EHBP1: variants seen among roughly 807,000 people sequenced by gnomAD.
The protein encoded by EHBP1 is EH domain binding protein 1.
In EHBP1, 55 loss-of-function variants were observed where a neutral mutation model predicts 144.0. That is an observed-to-expected ratio of 0.38 (90% CI 0.31 to 0.48). The LOEUF is 0.48. Ranked by LOEUF, EHBP1 falls within the 20% of genes least tolerant of loss-of-function variation. The probability of loss-of-function intolerance (pLI) is 0.98; values close to 1 mark genes in which losing one functional copy is unlikely to be tolerated. For missense variants in EHBP1, 1,200 were observed against 1,364.2 expected (o/e 0.88, Z 1.90); for synonymous variants, 469 against 472.7 (o/e 0.99, Z 0.10).
chr2:62,910,610 A>G (rs1175262973), intron 10 of EHBP1, among the ~76,000 whole-genome samples: 3 of 152,010 alleles, frequency 2.0e-5, no homozygotes, highest in Non-Finnish European at 4.4e-5. Context: ...AAAAAAATGC[A>G]CTGAATTGCT....
intron 3 of EHBP1, among the ~76,000 whole-genome samples, chr2:62,761,531 G>T (rs914738664): frequency 2.0e-5 from 3 of 152,074 alleles, no homozygotes; most frequent in African/African-American, 7.2e-5. Flanking sequence ...CGGTTCCTTG[G>T]CCCAGGTTCA....
intron 3 of EHBP1, among the ~76,000 whole-genome samples, chr2:62,758,766 G>A (rs569502949): frequency 6.6e-6 from 1 of 152,214 alleles, no homozygotes; most frequent in African/African-American, 2.4e-5. Flanking sequence ...TTGCTCTGTG[G>A]TTGTGCTACA....
At chr2:62,985,566 C>T (rs1447724967) in intron 15 of EHBP1, among the ~76,000 whole-genome samples, 1 of 152,130 alleles carries the variant, frequency 6.6e-6, no homozygotes, top group East Asian at 1.9e-4. Flanking sequence ...TTCTGTCCTT[C>T]AAGACTCTCT....
chr2:63,044,877 T>G (rs1455792912), intron 21 of EHBP1, 189 bp from the exon 22 acceptor site: 1 of 547,354 alleles, frequency 1.8e-6, no homozygotes, highest in East Asian at 3.0e-5. Context: ...AGGACCTGTT[T>G]AGGAAGTAGA....
rs148751480 is a variant in EHBP1 at position 63,029,519 on chromosome 2, A to C, written c.3104-8016A>C. ...CAGTTCCTGCCTCAGGGCTATATAC[A>C]CCATCATCACCCCCTTCATTATTAT... On this transcript the variant is annotated intron_variant, in intron 19 of 22. Transcript: ENST00000431489. 9.4e-4 allele frequency among the ~76,000 whole-genome samples: 142 copies of C among 150,850 alleles called. 1 individual carries two copies. The highest frequency in any genetic ancestry group is 3.3e-3 in the African/African-American group (135 of 41,002).
At chr2:62,728,919 A>G (rs540077726) in intron 2 of EHBP1, among the ~76,000 whole-genome samples, 4 of 151,644 alleles carry the variant, frequency 2.6e-5, no homozygotes, top group Non-Finnish European at 5.9e-5. Flanking sequence ...TCTATAATCT[A>G]TTTTGAGTTA....
At chr2:62,746,300 A>G (rs571419140) in intron 2 of EHBP1, among the ~76,000 whole-genome samples, 2 of 151,860 alleles carry the variant, frequency 1.3e-5, no homozygotes, top group Admixed American at 6.6e-5. Flanking sequence ...TTGTTTTTCC[A>G]TTGGTATAAC....
chr2:62,865,019 C>T (rs370363480), intron 9 of EHBP1, 48 bp downstream of exon 9: 2 of 1,584,048 alleles, frequency 1.3e-6, no homozygotes, highest in Non-Finnish European at 1.7e-6. Flanking sequence ...CTCTATGTTA[C>T]CTAAAGAGAT....
At chr2:62,747,350 A>C (rs767291178) in intron 2 of EHBP1, 45 bp from the exon 3 acceptor site, 1 of 1,573,986 alleles carries the variant, frequency 6.4e-7, no homozygotes, top group African/African-American at 1.4e-5. Context: ...ATGAAACTTT[A>C]TTTATTTAAG....
chr2:62,980,415 G>A (rs1350793990), intron 15 of EHBP1, among the ~76,000 whole-genome samples: 1 of 152,174 alleles, frequency 6.6e-6, no homozygotes, highest in Non-Finnish European at 1.5e-5. Flanking sequence ...ATAGGCCACA[G>A]ACTAGTACTG....
At chr2:62,753,771 C>T (rs904963360) in intron 3 of EHBP1, among the ~76,000 whole-genome samples, 1 of 152,184 alleles carries the variant, frequency 6.6e-6, no homozygotes, top group African/African-American at 2.4e-5. Flanking sequence ...ACCCTTTCTT[C>T]CAGTTGATTG....
chr2:62,727,299 T>C (rs564188902), intron 2 of EHBP1, among the ~76,000 whole-genome samples: 26 of 152,186 alleles, frequency 1.7e-4, no homozygotes, highest in Non-Finnish European at 2.2e-4. Context: ...CCTTTTTTTT[T>C]TTTTAAACAG....
At chr2:62,813,572 G>A (rs1447929153) in intron 5 of EHBP1, among the ~76,000 whole-genome samples, 1 of 152,184 alleles carries the variant, frequency 6.6e-6, no homozygotes, top group East Asian at 1.9e-4. Context: ...GCCTGGGAAA[G>A]CTGCAGGCGT....
intron 10 of EHBP1, among the ~76,000 whole-genome samples, chr2:62,888,277 G>A (rs1294272361): frequency 1.3e-5 from 2 of 152,146 alleles, no homozygotes; most frequent in African/African-American, 2.4e-5. Flanking sequence ...TCACTTACAG[G>A]CCCTTGTAAA....
chr2:62,697,651 C>A (rs772801508), intron 1 of EHBP1, among the ~76,000 whole-genome samples: 2 of 152,148 alleles, frequency 1.3e-5, no homozygotes, highest in Non-Finnish European at 2.9e-5. Flanking sequence ...ATTCCCAATA[C>A]CTACCAGAAT....
intron 19 of EHBP1, among the ~76,000 whole-genome samples, chr2:63,017,707 C>T (rs1476953912): frequency 6.6e-6 from 1 of 151,782 alleles, no homozygotes; most frequent in African/African-American, 2.4e-5. Context: ...TCATCAAGCA[C>T]TAAAAAAAGG....
intron 10 of EHBP1, among the ~76,000 whole-genome samples, chr2:62,898,309 C>A (rs916977034): frequency 6.6e-6 from 1 of 152,146 alleles, no homozygotes; most frequent in African/African-American, 2.4e-5. Flanking sequence ...AATTGTCAGG[C>A]ACAGTTATTG....
intron 10 of EHBP1, among the ~76,000 whole-genome samples, chr2:62,936,635 C>A (rs550883878): frequency 6.6e-5 from 10 of 151,894 alleles, no homozygotes; most frequent in African/African-American, 2.4e-4. Flanking sequence ...TCCTGTCTCT[C>A]CATGTCTTGG....
intron 7 of EHBP1, among the ~76,000 whole-genome samples, chr2:62,844,618 T>G (rs1558779821): frequency 6.6e-6 from 1 of 152,170 alleles, no homozygotes; most frequent in Non-Finnish European, 1.5e-5. Flanking sequence ...GAATTCATGT[T>G]GAATTTCTGA....
Sources: allele counts gnomAD v4.1 joint callset (sites outside exome capture counted in the v4.1 genomes callset), GRCh38; gene constraint gnomAD v4.1.1; transcripts MANE v1.5; gene names NCBI Gene and HGNC (gene_info 2026-07-23, HGNC 2026-07-21).